DCTN5: variants seen among roughly 807,000 people sequenced by gnomAD.
DCTN5 encodes the protein dynactin 4.
A neutral mutation model predicts 23.5 loss-of-function variants in DCTN5; 14 were observed. That is an observed-to-expected ratio of 0.60 (90% CI 0.39 to 0.93). DCTN5 has a LOEUF of 0.93. Among genes scored for constraint, DCTN5 ranks in the 40% least tolerant of loss-of-function variants. The pLI is 0.00. For synonymous variants in DCTN5, 67 were observed against 79.6 expected, an observed-to-expected ratio of 0.84 and a Z score of 0.84; for missense variants, 156 against 225.9, an observed-to-expected ratio of 0.69 and a Z score of 1.98.
At position 23,641,630 on chromosome 16, in the gene DCTN5, T is replaced by A; in HGVS notation, c.48+40T>A. On this transcript the variant is annotated intron_variant, in intron 1 of 5. Coordinates refer to ENST00000300087, the MANE Select transcript of DCTN5 (RefSeq NM_032486.4). ...ATATGTATCCTCCTCTTTCCAACCC[T>A]GCGTCCCTTTGAGGCCTGGTCGGCG... 3.1e-6 allele frequency: 5 copies of A among 1,611,252 alleles called. No individual in the cohort carries two copies. In the South Asian group the frequency reaches 5.5e-5, roughly 18 times the overall value.
At chr16:23,658,154 GGTAAGC>G (rs1352161370) in intron 2 of DCTN5, among the ~76,000 whole-genome samples, 13 of 152,170 alleles carry the variant, frequency 8.5e-5, no homozygotes, top group Non-Finnish European at 1.9e-4. Context: ...CAGAACTCTT[GGTAAGC>G]GAGCAGCCAA....
rs1567228254 is a variant in DCTN5 at position 23,645,098 on chromosome 16, TA to T, written c.117+2076del. ...CCCAGCCTAACTATATATATATATATATATATATATATATATATATATATAT... is the reference window on the plus strand; with the variant it reads ...CCCAGCCTAACTATATATATATATATTATATATATATATATATATATATAT... On this transcript the variant is annotated intron_variant, in intron 2 of 5. Transcript: ENST00000300087. Among the ~76,000 whole-genome samples, 88 of 18,102 alleles carry T rather than the reference TA, an allele frequency of 4.9e-3. 2 individuals carry two copies. Among genetic ancestry groups the T allele is most frequent in the Non-Finnish European group, 6.5e-3 (66 of 10,094 alleles). The allele number at this position is 18,102 out of a possible 152,430, so 11.9% of individuals were successfully genotyped here. A position where few individuals can be genotyped will look rare whatever the true frequency, so the allele number is the denominator to read the frequency against.
intron 2 of DCTN5, among the ~76,000 whole-genome samples, chr16:23,655,076 T>C (rs1051191829): frequency 6.6e-6 from 1 of 152,242 alleles, no homozygotes; most frequent in Admixed American, 6.5e-5. Context: ...GTTAGAATCA[T>C]ATACTCTTTT....
intron 4 of DCTN5, 132 bp from the exon 5 acceptor site, chr16:23,665,494 A>T: frequency 1.3e-6 from 1 of 753,296 alleles, no homozygotes; most frequent in Non-Finnish European, 2.1e-6. Context: ...GTACCACCTG[A>T]AGCAGGAAGT....
At chr16:23,664,304 G>T (rs1399486335) in intron 4 of DCTN5, among the ~76,000 whole-genome samples, 1 of 152,196 alleles carries the variant, frequency 6.6e-6, no homozygotes, top group Non-Finnish European at 1.5e-5. Flanking sequence ...GGGAAATTCA[G>T]AGCCACTTAG....
At chr16:23,650,428 C>T (rs1404597359) in intron 2 of DCTN5, among the ~76,000 whole-genome samples, 2 of 151,836 alleles carry the variant, frequency 1.3e-5, no homozygotes, top group African/African-American at 4.8e-5. Context: ...AGCGATTCTC[C>T]TGCCTCCCTC....
rs1027032784 is a variant in DCTN5 at position 23,669,275 on chromosome 16, A to G, written c.*2131A>G. ...GGGAATTTAATGGCTCACGTAGCTG[A>G]AAAGGATGGGCTAGATTGGGCTTCA... is the stretch of plus-strand genomic sequence containing the variant. On this transcript the variant is annotated 3_prime_UTR_variant, in exon 6 of 6. Coordinates refer to ENST00000300087, the MANE Select transcript of DCTN5 (RefSeq NM_032486.4). The G allele has an allele frequency of 4.6e-5, 7 of 152,256 alleles. No homozygotes were observed. Among genetic ancestry groups the G allele is most frequent in the African/African-American group, 1.7e-4 (7 of 41,462 alleles). 9.4% of individuals were successfully genotyped at this position (152,256 alleles called of 1,614,324 possible).
rs1567237015 is a variant in DCTN5 at position 23,674,351 on chromosome 16, C to T, written c.*7207C>T. On this transcript the variant is annotated 3_prime_UTR_variant, in exon 6 of 6. Transcript: ENST00000300087. The stretch of plus-strand genomic sequence containing the variant: ...GCTGATAGGCTCTTTGTCTCTAATA[C>T]AGAGGCTAATTGCATTCCTAACTTC... 6.6e-6 allele frequency: 1 copy of T among 152,232 alleles called. No homozygotes were observed. The highest frequency in any genetic ancestry group is 1.5e-5 in the Non-Finnish European group (1 of 68,054). 9.4% of individuals were successfully genotyped at this position (152,232 alleles called of 1,614,324 possible).
intron 2 of DCTN5, among the ~76,000 whole-genome samples, chr16:23,646,814 G>A (rs1285266849): frequency 6.6e-6 from 1 of 152,182 alleles, no homozygotes; most frequent in East Asian, 1.9e-4. Context: ...GACCTCAGGT[G>A]ATCTGCCAGC....
At chr16:23,644,794 T>A (rs1043046763) in intron 2 of DCTN5, among the ~76,000 whole-genome samples, 60 of 151,498 alleles carry the variant, frequency 4.0e-4, no homozygotes, top group African/African-American at 9.7e-4. Flanking sequence ...AACAATTTTT[T>A]AAAAATTTTT....
intron 2 of DCTN5, among the ~76,000 whole-genome samples, chr16:23,649,739 G>A (rs1462268587): frequency 1.3e-5 from 2 of 151,238 alleles, no homozygotes; most frequent in African/African-American, 4.9e-5. Flanking sequence ...TCAGGAGGCT[G>A]AGGCATGAGA....
rs1233534378 is a variant in DCTN5 at position 23,676,781 on chromosome 16, G to C, written c.*9637G>C. On this transcript the variant is annotated 3_prime_UTR_variant, in exon 6 of 6. Coordinates refer to ENST00000300087, the MANE Select transcript of DCTN5 (RefSeq NM_032486.4). ...AGATGGACTGTGTGAAAAGAGATGAGAAAGCAGGCCTGTTTGCAAGGCTGG... is the reference window on the plus strand; with the variant it reads ...AGATGGACTGTGTGAAAAGAGATGACAAAGCAGGCCTGTTTGCAAGGCTGG... 6.6e-6 allele frequency: 1 copy of C among 152,200 alleles called. No individual in the cohort carries two copies. The highest frequency in any genetic ancestry group is 1.5e-5 in the Non-Finnish European group (1 of 68,044). 9.4% of individuals were successfully genotyped at this position (152,200 alleles called of 1,614,324 possible).
Position 23,667,057 on chromosome 16 carries a change from A to G in DCTN5, c.462A>G (p.Ser154=). 2 of 1,613,804 alleles carry G rather than the reference A, an allele frequency of 1.2e-6. No individual in the cohort carries two copies. The highest frequency in any genetic ancestry group is 1.7e-6 in the Non-Finnish European group (2 of 1,179,966). ...TCTTTCTTTCCCCAGGACTCTTCTC[A>G]GGGGAGCTCCCGGAGTGCACTCAGG... ...TVFSGCPGLF[S]GELPECTQEL... Residue 154 remains serine, a synonymous_variant, in exon 6 of 6, where the codon TCA becomes TCG. Transcript: ENST00000300087.
Position 23,675,988 on chromosome 16 carries a change from G to A in DCTN5, c.*8844G>A, listed in dbSNP as rs1160901203. ...CCCCTGGTAGGAGGTCTGTTCACCT[G>A]TACAGCCTAATGGATGTCCTGCTTG... is the stretch of plus-strand genomic sequence containing the variant. On this transcript the variant is annotated 3_prime_UTR_variant, in exon 6 of 6. Coordinates refer to ENST00000300087, the MANE Select transcript of DCTN5 (RefSeq NM_032486.4). The A allele has an allele frequency of 1.3e-5, 2 of 152,152 alleles. No individual in the cohort carries two copies. The highest frequency in any genetic ancestry group is 2.9e-5 in the Non-Finnish European group (2 of 68,042). The allele number at this position is 152,152 out of a possible 1,614,324, so 9.4% of individuals were successfully genotyped here. A position where few individuals can be genotyped will look rare whatever the true frequency, so the allele number is the denominator to read the frequency against.
Position 23,674,356 on chromosome 16 carries a change from G to A in DCTN5, c.*7212G>A, listed in dbSNP as rs532488682. On this transcript the variant is annotated 3_prime_UTR_variant, in exon 6 of 6. Transcript: ENST00000300087. The stretch of plus-strand genomic sequence containing the variant: ...TAGGCTCTTTGTCTCTAATACAGAG[G>A]CTAATTGCATTCCTAACTTCTAATA... 1 of 152,340 alleles carries A rather than the reference G, an allele frequency of 6.6e-6. No homozygotes were observed. Among genetic ancestry groups the A allele is most frequent in the Non-Finnish European group, 1.5e-5 (1 of 68,054 alleles). 9.4% of individuals were successfully genotyped at this position (152,340 alleles called of 1,614,324 possible).
intron 5 of DCTN5, 118 bp from the exon 6 acceptor site, chr16:23,666,929 T>A: frequency 6.7e-7 from 1 of 1,496,298 alleles, no homozygotes; most frequent in Non-Finnish European, 9.0e-7. Context: ...GCCTCAGCGA[T>A]TATTTAAGTG....
rs1222115261 is a variant in DCTN5, at chr16:23,671,380, T to C, written c.*4236T>C. ...TATAAGGCATAGCATTCTTACATAT[T>C]TTTAAAATTTAAAATAAAATTTAAA... On this transcript the variant is annotated 3_prime_UTR_variant, in exon 6 of 6. Transcript: ENST00000300087. 3.3e-5 allele frequency: 5 copies of C among 152,186 alleles called. No homozygotes were observed. The highest frequency in any genetic ancestry group is 7.3e-5 in the Non-Finnish European group (5 of 68,038). The allele number at this position is 152,186 out of a possible 1,614,324, so 9.4% of individuals were successfully genotyped here.
intron 2 of DCTN5, 142 bp downstream of exon 2, chr16:23,643,165 T>A: frequency 1.4e-6 from 1 of 721,114 alleles, no homozygotes; most frequent in Non-Finnish European, 2.3e-6. Flanking sequence ...TTTTTTATTT[T>A]GTAAATTGGA....
chr16:23,651,642 A>G (rs1311627783), intron 2 of DCTN5, among the ~76,000 whole-genome samples: 2 of 152,246 alleles, frequency 1.3e-5, no homozygotes, highest in Non-Finnish European at 2.9e-5. Context: ...GAAACTGAAA[A>G]CAATAATTGA....
Sources: allele counts gnomAD v4.1 joint callset (sites outside exome capture counted in the v4.1 genomes callset), GRCh38; gene constraint gnomAD v4.1.1; transcripts MANE v1.5; gene names NCBI Gene and HGNC (gene_info 2026-07-23, HGNC 2026-07-21).